The following ELAC1 variants were observed in gnomAD, a reference collection of about 807,000 sequenced individuals.
ELAC1 encodes the protein elaC ribonuclease Z 1, also known as zinc phosphodiesterase ELAC protein 1.
In ELAC1, 19 loss-of-function variants were observed where a neutral mutation model predicts 25.8. The observed-to-expected ratio is 0.74, with a 90% CI of 0.51 to 1.08. ELAC1 has a LOEUF of 1.08. Ranked by LOEUF, ELAC1 falls within the 50% of genes least tolerant of loss-of-function variation. The pLI is 0.00. For missense variants in ELAC1, 403 were observed against 434.6 expected, an observed-to-expected ratio of 0.93 and a Z score of 0.65; for synonymous variants, 148 against 160.9, an observed-to-expected ratio of 0.92 and a Z score of 0.61.
intron 1 of ELAC1, among the ~76,000 whole-genome samples, chr18:50,971,906 G>GTATATATATA (rs1395917341): frequency 4.6e-5 from 5 of 108,454 alleles, no homozygotes; most frequent in African/African-American, 7.1e-5. Flanking sequence ...ATGTGTGTGT[G>GTATATATATA]TGTGTGTATA....
intron 2 of ELAC1, 46 bp from the exon 3 acceptor site, chr18:50,984,050 A>T: frequency 7.5e-7 from 1 of 1,325,348 alleles, no homozygotes; most frequent in Non-Finnish European, 1.0e-6. Context: ...ATGGGTTTTT[A>T]GTTAATGAAA....
chr18:50,977,965 C>T (rs1040728106), intron 2 of ELAC1, among the ~76,000 whole-genome samples: 4 of 152,218 alleles, frequency 2.6e-5, no homozygotes, highest in African/African-American at 9.6e-5. Flanking sequence ...GGGCACAATG[C>T]TGCCAGTCTC....
chr18:50,975,687 T>C (rs1907782387), intron 2 of ELAC1, among the ~76,000 whole-genome samples: 2 of 152,062 alleles, frequency 1.3e-5, no homozygotes, highest in African/African-American at 2.4e-5. Flanking sequence ...CTCTTCACAG[T>C]ACCTGGCACT....
intron 2 of ELAC1, among the ~76,000 whole-genome samples, chr18:50,979,410 G>T (rs548870721): frequency 3.9e-4 from 60 of 152,228 alleles, no homozygotes; most frequent in African/African-American, 1.4e-3. Flanking sequence ...CCCTTACAGT[G>T]GTAGGACAGT....
chr18:50,978,692 G>A (rs759715977), intron 2 of ELAC1, among the ~76,000 whole-genome samples: 3 of 152,154 alleles, frequency 2.0e-5, no homozygotes, highest in Non-Finnish European at 4.4e-5. Context: ...GGATATTGAA[G>A]TATAGAGATG....
At chr18:50,979,319 G>A (rs1907879523) in intron 2 of ELAC1, among the ~76,000 whole-genome samples, 1 of 152,158 alleles carries the variant, frequency 6.6e-6, no homozygotes, top group Admixed American at 6.5e-5. Flanking sequence ...TGCAATCTAG[G>A]TGTTGGCTGG....
At chr18:50,983,537 T>G (rs1908016142) in intron 2 of ELAC1, among the ~76,000 whole-genome samples, 1 of 151,954 alleles carries the variant, frequency 6.6e-6, no homozygotes, top group Non-Finnish European at 1.5e-5. Flanking sequence ...AATATGAAGA[T>G]GTCTTATGAA....
chr18:50,971,381 A>G (rs1907646779), intron 1 of ELAC1, among the ~76,000 whole-genome samples: 1 of 152,026 alleles, frequency 6.6e-6, no homozygotes, highest in South Asian at 2.1e-4. Context: ...ATGTGTGGTA[A>G]ATGGTCTCTC....
intron 2 of ELAC1, among the ~76,000 whole-genome samples, chr18:50,977,900 C>T (rs951764796): frequency 1.7e-4 from 26 of 152,268 alleles, no homozygotes; most frequent in South Asian, 1.7e-3. Flanking sequence ...TTTCTTCTGC[C>T]AGATACCCTA....
At chr18:50,983,098 C>T (rs114330520) in intron 2 of ELAC1, among the ~76,000 whole-genome samples, 2,961 of 149,202 alleles carry the variant, frequency 0.02, 97 homozygotes, top group African/African-American at 0.069. Context: ...ATACTTGAGG[C>T]CTATCTATTT....
intron 2 of ELAC1, among the ~76,000 whole-genome samples, chr18:50,980,528 GC>G (rs1907916060): frequency 6.6e-6 from 1 of 152,172 alleles, no homozygotes; most frequent in East Asian, 1.9e-4. Context: ...ACTTTGGGAG[GC>G]CGAGGCAGGT....
At chr18:50,978,935 A>G (rs559129667) in intron 2 of ELAC1, among the ~76,000 whole-genome samples, 88 of 152,300 alleles carry the variant, frequency 5.8e-4, no homozygotes, top group African/African-American at 2.0e-3. Context: ...TGAAACTTTG[A>G]GATAATTCAG....
intron 2 of ELAC1, among the ~76,000 whole-genome samples, chr18:50,981,504 G>T (rs1039046785): frequency 5.3e-5 from 8 of 152,018 alleles, no homozygotes; most frequent in Non-Finnish European, 1.2e-4. Context: ...TTCCTCTGTG[G>T]ATGACATATT....
At chr18:50,978,058 T>A (rs1907841058) in intron 2 of ELAC1, among the ~76,000 whole-genome samples, 1 of 152,216 alleles carries the variant, frequency 6.6e-6, no homozygotes, top group Non-Finnish European at 1.5e-5. Flanking sequence ...CAGCCTGGAC[T>A]TTTTGGTCAA....
In ELAC1 at chr18:50,986,759, G is replaced by A; in HGVS notation, c.766G>A (p.Gly256Arg). The change falls in exon 4 of 4, where the codon GGG (glycine) becomes AGG (arginine). Residue 256 changes from glycine (G) to arginine (R), a missense_variant. By Grantham distance (125) the Gly-to-Arg change is moderately radical (BLOSUM62 -2). Coordinates refer to ENST00000269466, the MANE Select transcript of ELAC1 (RefSeq NM_018696.3). Reference protein sequence around the residue: ...RKICILGDCSGVVGDGGVKLC... With the variant: ...RKICILGDCSRVVGDGGVKLC... ...AATCTGCATATTGGGTGACTGCTCT[G>A]GGGTTGTGGGTGATGGAGGAGTAAA... 1 of 1,614,188 alleles carries A rather than the reference G, an allele frequency of 6.2e-7. No homozygotes were observed. Among genetic ancestry groups the A allele is most frequent in the Non-Finnish European group, 8.5e-7 (1 of 1,180,018 alleles).
chr18:50,975,582 T>C (rs1907779880), intron 2 of ELAC1, among the ~76,000 whole-genome samples: 1 of 151,688 alleles, frequency 6.6e-6, no homozygotes, highest in Non-Finnish European at 1.5e-5. Context: ...TCATGGAACT[T>C]ACTTTAGTGA....
intron 2 of ELAC1, among the ~76,000 whole-genome samples, chr18:50,980,902 T>C (rs546804483): frequency 7.9e-5 from 12 of 152,042 alleles, no homozygotes; most frequent in Non-Finnish European, 1.8e-4. Context: ...CAGTACATAC[T>C]AATTTCTCTC....
At chr18:50,978,289 G>A (rs1907849231) in intron 2 of ELAC1, among the ~76,000 whole-genome samples, 1 of 151,894 alleles carries the variant, frequency 6.6e-6, no homozygotes, top group East Asian at 1.9e-4. Flanking sequence ...ACTGTATCAG[G>A]CCATTTTCAT....
chr18:50,980,868 T>A (rs1255534003), intron 2 of ELAC1, among the ~76,000 whole-genome samples: 2 of 151,896 alleles, frequency 1.3e-5, no homozygotes, highest in East Asian at 3.9e-4. Flanking sequence ...ATGCCCCTAG[T>A]CTCAAACTGG....
Sources: allele counts gnomAD v4.1 joint callset (sites outside exome capture counted in the v4.1 genomes callset), GRCh38; gene constraint gnomAD v4.1.1; transcripts MANE v1.5; gene names NCBI Gene and HGNC (gene_info 2026-07-23, HGNC 2026-07-21).